PRDM16: variants seen among roughly 807,000 people sequenced by gnomAD.
PRDM16 encodes histone-lysine N-methyltransferase PRDM16.
PRDM16 carries 23 observed loss-of-function variants against 110.6 expected under a neutral mutation model. That is an observed-to-expected ratio of 0.21 (90% CI 0.15 to 0.29). The LOEUF (loss-of-function observed/expected upper bound fraction) is 0.29, where lower values mean the gene tolerates loss of function less well. Among genes scored for constraint, PRDM16 ranks in the 10% least tolerant of loss-of-function variants. PRDM16 has a pLI of 1.00. For synonymous variants in PRDM16, 799 were observed against 781.8 expected (o/e 1.02, Z -0.37); for missense variants, 1,615 against 1,794.3 (o/e 0.90, Z 1.81).
intron 1 of PRDM16, among the ~76,000 whole-genome samples, chr1:3,101,269 C>T (rs541549694): frequency 6.3e-4 from 96 of 152,362 alleles, no homozygotes; most frequent in African/African-American, 2.0e-3. Context: ...CTCAGCTAAT[C>T]ACCAGCCATC....
Position 3,430,906 on chromosome 1 carries a change from T to C in PRDM16, c.3319T>C (p.Cys1107Arg). The change falls in exon 15 of 17, where the codon TGT becomes CGT. Residue 1107 changes from cysteine to arginine, a missense_variant. Cys to Arg is a radical substitution (Grantham distance 180). Around this residue, in one of 5 missense-constraint regions of PRDM16, gnomAD observed 327 missense variants for 359.3 expected, o/e 0.91. Coordinates refer to ENST00000270722, the MANE Select transcript of PRDM16 (RefSeq NM_022114.4). ...GCAGATCGTGGACGGCAGTGCCCAG[T>C]GTCCAGGCCTAGCCAGTGAGAAGCA... ...DMQIVDGSAQ[C>R]PGLASEKQED... is the part of the protein sequence containing the mutation. The C allele has an allele frequency of 6.2e-7, 1 of 1,614,086 alleles. No individual in the cohort carries two copies. Among genetic ancestry groups the C allele is most frequent in the East Asian group, 2.2e-5 (1 of 44,882 alleles).
intron 2 of PRDM16, among the ~76,000 whole-genome samples, chr1:3,232,030 G>A (rs1455974117): frequency 6.6e-6 from 1 of 152,188 alleles, no homozygotes; most frequent in African/African-American, 2.4e-5. Context: ...GTTTGGTGAC[G>A]CTCTGCCTCC....
intron 3 of PRDM16, among the ~76,000 whole-genome samples, chr1:3,249,789 G>A: frequency 6.6e-6 from 1 of 152,192 alleles, no homozygotes; most frequent in East Asian, 1.9e-4. Context: ...TCTTTCCATT[G>A]TCCCAGGGTT....
chr1:3,415,025 G>T (rs1199689862), intron 10 of PRDM16, among the ~76,000 whole-genome samples: 1 of 152,332 alleles, frequency 6.6e-6, no homozygotes, highest in South Asian at 2.1e-4. Flanking sequence ...CTCTCTCTGG[G>T]GTGCACAGGA....
rs1491270112 is a variant in PRDM16, at chr1:3,129,462, CAT to C, written c.38-56662_38-56661del. Among the ~76,000 whole-genome samples, 8 of 151,864 alleles carry C rather than the reference CAT, an allele frequency of 5.3e-5. No homozygotes were observed. The East Asian group carries it at 5.8e-4, about 11-fold the overall frequency. Reference sequence around the variant, plus strand: ...CCTGGTGTGCATGTGTCTGTGTGTGCATGTGTGTGTGTGTGTGGCCTGTGCAC... The same window carrying C: ...CCTGGTGTGCATGTGTCTGTGTGTGCGTGTGTGTGTGTGTGGCCTGTGCAC... On this transcript the variant is annotated intron_variant, in intron 1 of 16. Coordinates refer to ENST00000270722, the MANE Select transcript of PRDM16 (RefSeq NM_022114.4).
At chr1:3,136,222 C>T (rs534703549) in intron 1 of PRDM16, among the ~76,000 whole-genome samples, 3 of 152,328 alleles carry the variant, frequency 2.0e-5, no homozygotes, top group Admixed American at 6.5e-5. Context: ...GGGGCTGCAG[C>T]GTAGCTGAAG....
chr1:3,347,471 G>A (rs545170351), intron 3 of PRDM16, among the ~76,000 whole-genome samples: 2 of 152,280 alleles, frequency 1.3e-5, no homozygotes, highest in East Asian at 1.9e-4. Flanking sequence ...GGAAGGCCCC[G>A]CCCTCCTGCG....
intron 1 of PRDM16, among the ~76,000 whole-genome samples, chr1:3,118,238 T>C (rs573088169): frequency 8.4e-4 from 128 of 152,174 alleles, no homozygotes; most frequent in African/African-American, 2.7e-3. Flanking sequence ...CACACGTGCA[T>C]ACACACGCAC....
chr1:3,329,104 T>C (rs576067640), intron 3 of PRDM16, among the ~76,000 whole-genome samples: 4 of 152,206 alleles, frequency 2.6e-5, no homozygotes, highest in Admixed American at 1.3e-4. Flanking sequence ...ACTCACCACC[T>C]CTGCCCCCAA....
intron 1 of PRDM16, among the ~76,000 whole-genome samples, chr1:3,116,298 G>A (rs940945366): frequency 1.1e-4 from 17 of 152,144 alleles, no homozygotes; most frequent in South Asian, 2.1e-4. Context: ...GCTGCCCTGC[G>A]CCGGCGTGCT....
chr1:3,260,638 G>A (rs1381378561), intron 3 of PRDM16, among the ~76,000 whole-genome samples: 1 of 147,408 alleles, frequency 6.8e-6, no homozygotes, highest in Non-Finnish European at 1.5e-5. Context: ...CATGGTGGTA[G>A]TGATTATGTT....
chr1:3,296,816 G>A (rs1489632387), intron 3 of PRDM16, among the ~76,000 whole-genome samples: 1 of 152,182 alleles, frequency 6.6e-6, no homozygotes, highest in Non-Finnish European at 1.5e-5. Context: ...CTTGGAATGG[G>A]GACAAGTCCC....
At chr1:3,216,324 A>G (rs1281780755) in intron 2 of PRDM16, among the ~76,000 whole-genome samples, 1 of 151,990 alleles carries the variant, frequency 6.6e-6, no homozygotes, top group Non-Finnish European at 1.5e-5. Flanking sequence ...CAGTGCTGTC[A>G]CTCCAGTGAC....
intron 16 of PRDM16, 140 bp downstream of exon 16, chr1:3,432,280 A>G (rs892928634): frequency 2.3e-5 from 15 of 659,516 alleles, no homozygotes; most frequent in South Asian, 4.0e-5. Context: ...CATCCTCCAG[A>G]GAGGCCCCAG....
intron 3 of PRDM16, among the ~76,000 whole-genome samples, chr1:3,301,500 C>T (rs1641208138): frequency 6.6e-6 from 1 of 151,918 alleles, no homozygotes; most frequent in African/African-American, 2.4e-5. Flanking sequence ...TTTATTAAAC[C>T]CTTGGTTGTC....
chr1:3,294,555 C>G (rs1403376686), intron 3 of PRDM16, among the ~76,000 whole-genome samples: 1 of 152,086 alleles, frequency 6.6e-6, no homozygotes, highest in African/African-American at 2.4e-5. Flanking sequence ...ATTCCAGGGC[C>G]CCTGTGTGTC....
intron 2 of PRDM16, among the ~76,000 whole-genome samples, chr1:3,228,649 C>T (rs981438979): frequency 6.6e-6 from 1 of 152,192 alleles, no homozygotes; most frequent in Non-Finnish European, 1.5e-5. Context: ...CGCAGGGCTT[C>T]GGCCTGTACA....
Position 3,244,872 on chromosome 1 carries a change from G to A in PRDM16, c.438+735G>A, listed in dbSNP as rs1223318257. On this transcript the variant is annotated intron_variant, in intron 3 of 16. Transcript: ENST00000270722. This position sits in a 1 kb window ranked among gnomAD's most constrained non-coding sequence, Gnocchi z 4.1. ...CCAGAACTCCTCTTCGACGGGATAT[G>A]CATTGCCTGCACGCACACACAGACG... 1.3e-5 allele frequency among the ~76,000 whole-genome samples: 2 copies of A among 152,224 alleles called. No homozygotes were observed. Among genetic ancestry groups the A allele is most frequent in the African/African-American group, 4.8e-5 (2 of 41,454 alleles).
rs573714541 is a variant in PRDM16, at chr1:3,143,288, C to T, written c.38-42837C>T. Among the ~76,000 whole-genome samples, 26 of 152,112 alleles carry T rather than the reference C, an allele frequency of 1.7e-4. No homozygotes were observed. Among genetic ancestry groups the T allele is most frequent in the African/African-American group, 6.3e-4 (26 of 41,498 alleles). ...GTGCCGGGAAGTGTGGACATGGGTCCGGGCTGAGGACTTCGTCAGGTGTCA... is the reference window on the plus strand; with the variant it reads ...GTGCCGGGAAGTGTGGACATGGGTCTGGGCTGAGGACTTCGTCAGGTGTCA... On this transcript the variant is annotated intron_variant, in intron 1 of 16. Coordinates refer to ENST00000270722, the MANE Select transcript of PRDM16 (RefSeq NM_022114.4). This position sits in a 1 kb window ranked among gnomAD's most constrained non-coding sequence, Gnocchi z 4.5.
Sources: allele counts gnomAD v4.1 joint callset (sites outside exome capture counted in the v4.1 genomes callset), GRCh38; gene constraint gnomAD v4.1.1; regional missense constraint gnomAD v4.1.1; non-coding constraint Gnocchi (gnomAD v3.1); transcripts MANE v1.5; gene names NCBI Gene and HGNC (gene_info 2026-07-23, HGNC 2026-07-21).